The following UNC80 variants were observed in gnomAD, a reference collection of about 807,000 sequenced individuals.
The protein encoded by UNC80 is unc-80 subunit of NALCN channel complex, also known as protein unc-80 homolog.
A neutral mutation model predicts 384.6 loss-of-function variants in UNC80; 164 were observed. That is an observed-to-expected ratio of 0.43 (90% CI 0.38 to 0.49). The LOEUF (loss-of-function observed/expected upper bound fraction) is 0.49, where lower values mean the gene tolerates loss of function less well. Among genes scored for constraint, UNC80 ranks in the 20% least tolerant of loss-of-function variants. The pLI is 0.00. For missense variants in UNC80, 3,330 were observed against 4,143.0 expected (o/e 0.80, Z 5.39); for synonymous variants, 1,486 against 1,527.8 (o/e 0.97, Z 0.64).
chr2:209,831,683 A>G lies in UNC80; in HGVS notation c.2775+92A>G. ...GTGGCCATGAGTAAGAGAAGCTGAA[A>G]TCTAAAAGTCTACACTTTAAAGTTT... On this transcript the variant is annotated intron_variant, in intron 16 of 64. Coordinates refer to ENST00000673920, the MANE Select transcript of UNC80 (RefSeq NM_001371986.1). 3 of 1,315,872 alleles carry G rather than the reference A, an allele frequency of 2.3e-6. No homozygotes were observed. In the South Asian group the frequency reaches 5.9e-5, roughly 26 times the overall value. The allele number at this position is 1,315,872 out of a possible 1,614,324, so 81.5% of individuals were successfully genotyped here.
rs1472731061 is a variant in UNC80 at position 209,815,386 on chromosome 2, A to G, written c.1330A>G (p.Lys444Glu). 3 of 1,550,724 alleles carry G rather than the reference A, an allele frequency of 1.9e-6. No individual in the cohort carries two copies. In the African/African-American group the frequency reaches 4.1e-5, roughly 21 times the overall value. ...LSSDLGMNIF[K>E]KFKSRKEDRE... ...TTCAGACCTGGGCATGAATATTTTT[A>G]AAAAGGTGAGTAGAAATGCTTATGC... The change falls in exon 9 of 65, where the codon AAA (lysine) becomes GAA (glutamate). Residue 444 changes from lysine (K) to glutamate (E), a missense_variant. Around this residue, in one of 8 missense-constraint regions of UNC80, gnomAD observed 937 missense variants for 1,026.8 expected, o/e 0.91. Transcript: ENST00000673920.
chr2:209,873,686 A>G (rs2084510763), intron 23 of UNC80, among the ~76,000 whole-genome samples: 1 of 152,232 alleles, frequency 6.6e-6, no homozygotes, highest in Non-Finnish European at 1.5e-5. Flanking sequence ...ACATAAACAC[A>G]CATAAAGAGG....
intron 22 of UNC80, among the ~76,000 whole-genome samples, chr2:209,870,581 T>C (rs981463): frequency 1 from 152,190 of 152,256 alleles, 76,062 homozygotes; most frequent in Non-Finnish European, 1. Context: ...AGATACTCAC[T>C]ATTAGTGTTC....
chr2:209,880,129 A>G (rs1183472446), intron 24 of UNC80, among the ~76,000 whole-genome samples: 1 of 152,080 alleles, frequency 6.6e-6, no homozygotes, highest in Non-Finnish European at 1.5e-5. Flanking sequence ...CGTAAATAAT[A>G]TATTTCTACA....
rs2082021272 is a variant in UNC80 at position 209,844,481 on chromosome 2, TTCCTTCCTTCCTTCCTTCCTTCCTTCC to T, written c.3454+2037_3454+2063del. Among the ~76,000 whole-genome samples, 6 of 62,756 alleles carry T rather than the reference TTCCTTCCTTCCTTCCTTCCTTCCTTCC, an allele frequency of 9.6e-5. 1 individual carries two copies. The highest frequency in any genetic ancestry group is 3.8e-4 in the East Asian group (1 of 2,652). The allele number at this position is 62,756 out of a possible 152,430, so 41.2% of individuals were successfully genotyped here. On this transcript the variant is annotated intron_variant, in intron 21 of 64. Transcript: ENST00000673920. ...TTTCTTTCTTTCTTTCTTTCTTTCC[TTCCTTCCTTCCTTCCTTCCTTCCTTCC>T]TTCCTTCCTTCCTTCCTTCCTTCCT...
At chr2:209,944,917 G>C (rs1031538062) in intron 45 of UNC80, 134 bp from the exon 46 acceptor site, 22 of 1,065,786 alleles carry the variant, frequency 2.1e-5, no homozygotes, top group Non-Finnish European at 2.6e-5. Context: ...GCGGGATCCA[G>C]AATTATGTAA....
At chr2:209,972,973 G>T in intron 55 of UNC80, 91 bp from the exon 56 acceptor site, 1 of 1,226,262 alleles carries the variant, frequency 8.2e-7, no homozygotes, top group Non-Finnish European at 1.1e-6. Flanking sequence ...GTTTGGACTT[G>T]GAAAGAGCTG....
rs1314458388 is a variant in UNC80 at position 209,839,348 on chromosome 2, C to A, written c.3168C>A (p.Ala1056=). The change falls in exon 19 of 65, where the codon GCC becomes GCA. Residue 1056 remains alanine (A), a synonymous_variant. Coordinates refer to ENST00000673920, the MANE Select transcript of UNC80 (RefSeq NM_001371986.1). The surrounding 1 kb of genome is among the most constrained non-coding windows in gnomAD (Gnocchi z 4.1). ...AGGACACTTCAGAATGCACGACTGC[C>A]CACTCAGGGACCACCTCTGACCGAC... ...SEQDTSECTT[A]HSGTTSDRRA... is the part of the protein sequence containing the mutation. The A allele has an allele frequency of 6.4e-7, 1 of 1,551,890 alleles. No individual in the cohort carries two copies. The highest frequency in any genetic ancestry group is 2.0e-5 in the Admixed American group (1 of 51,006).
chr2:209,984,984 C>G (rs1575227348), intron 61 of UNC80, 72 bp downstream of exon 61: 3 of 1,253,508 alleles, frequency 2.4e-6, no homozygotes, highest in African/African-American at 1.5e-5. Flanking sequence ...TCCTCTGTCT[C>G]TCTGTCTTCT....
chr2:209,780,928 G>A (rs1483828750), intron 4 of UNC80, among the ~76,000 whole-genome samples: 1 of 152,136 alleles, frequency 6.6e-6, no homozygotes, highest in East Asian at 1.9e-4. Context: ...CCAGAAATCT[G>A]CATGCTGCTG....
intron 61 of UNC80, among the ~76,000 whole-genome samples, chr2:209,985,582 G>A (rs926431094): frequency 6.6e-6 from 1 of 152,188 alleles, no homozygotes; most frequent in Non-Finnish European, 1.5e-5. Context: ...TGCAAATAAT[G>A]TAATGTCTTG....
chr2:209,977,871 G>C (rs76255281), intron 58 of UNC80, among the ~76,000 whole-genome samples: 3,980 of 152,270 alleles, frequency 0.026, 111 homozygotes, highest in South Asian at 0.14. Context: ...TGTAATATGT[G>C]ATAGGTTTTC....
chr2:209,951,453 A>T (rs1559383203), intron 47 of UNC80: 1 of 151,958 alleles, frequency 6.6e-6, no homozygotes, highest in Non-Finnish European at 1.5e-5. Flanking sequence ...ATGCACCACC[A>T]CACCCAGCTA....
intron 51 of UNC80, among the ~76,000 whole-genome samples, chr2:209,962,164 A>G: frequency 6.6e-6 from 1 of 152,084 alleles, no homozygotes; most frequent in East Asian, 1.9e-4. Context: ...TAATTTCTTT[A>G]TGGCTAGTTT....
chr2:209,801,682 A>G (rs942398413), intron 7 of UNC80, among the ~76,000 whole-genome samples: 2 of 101,184 alleles, frequency 2.0e-5, no homozygotes, highest in African/African-American at 3.9e-5. Context: ...TGCCCGGCCA[A>G]CCCCTGCTTT....
chr2:209,787,689 G>A lies in UNC80; in HGVS notation c.724+1500G>A, dbSNP rs541713148. 1.7e-4 allele frequency among the ~76,000 whole-genome samples: 26 copies of A among 152,120 alleles called. No individual in the cohort carries two copies. In the Middle Eastern group the frequency reaches 0.01, roughly 60 times the overall value. On this transcript the variant is annotated intron_variant, in intron 5 of 64. Coordinates refer to ENST00000673920, the MANE Select transcript of UNC80 (RefSeq NM_001371986.1). ...ATGCTGGTTTAAACAAACCTACCGC[G>A]CTGCCTGTTTTATAAAAGTATAGCC... is the stretch of plus-strand genomic sequence containing the variant.
At chr2:209,898,657 G>A (rs1304276793) in intron 28 of UNC80, among the ~76,000 whole-genome samples, 1 of 151,984 alleles carries the variant, frequency 6.6e-6, no homozygotes, top group Admixed American at 6.6e-5. Context: ...ATTTTTAAAT[G>A]TACAGTTATT....
At chr2:209,790,518 T>C (rs2077730426) in intron 6 of UNC80, among the ~76,000 whole-genome samples, 1 of 152,180 alleles carries the variant, frequency 6.6e-6, no homozygotes, top group African/African-American at 2.4e-5. Flanking sequence ...TTTGGCCCCT[T>C]ATGATCTCCC....
intron 59 of UNC80, among the ~76,000 whole-genome samples, chr2:209,980,669 G>A (rs913604290): frequency 1.3e-4 from 20 of 152,162 alleles, no homozygotes; most frequent in Non-Finnish European, 1.5e-5. Context: ...AGATAAGGAA[G>A]AAGGAAGTAT....
Sources: gnomAD v4.1 joint callset for allele counts (sites outside exome capture counted in the v4.1 genomes callset) on GRCh38, gnomAD v4.1.1 for gene constraint, gnomAD v4.1.1 regional missense constraint, Gnocchi (gnomAD v3.1) non-coding constraint, MANE v1.5 for transcripts, NCBI Gene and HGNC (gene_info 2026-07-23, HGNC 2026-07-21) for gene names.